The following ENTHD1 variants were observed in gnomAD, a reference collection of about 807,000 sequenced individuals.
ENTHD1 encodes ENTH domain-containing protein 1.
A neutral mutation model predicts 39.1 loss-of-function variants in ENTHD1; 23 were observed. The observed-to-expected ratio is 0.59, with a 90% CI of 0.42 to 0.83. The LOEUF is 0.83. Among genes scored for constraint, ENTHD1 ranks in the 40% least tolerant of loss-of-function variants. The probability of loss-of-function intolerance (pLI) is 0.00; values close to 1 mark genes in which losing one functional copy is unlikely to be tolerated. For missense variants in ENTHD1, 624 were observed against 705.4 expected, an observed-to-expected ratio of 0.88 and a Z score of 1.31; for synonymous variants, 230 against 258.2, an observed-to-expected ratio of 0.89 and a Z score of 1.05.
chr22:39,769,256 G>A (rs2065303302), intron 5 of ENTHD1, among the ~76,000 whole-genome samples: 1 of 152,150 alleles, frequency 6.6e-6, no homozygotes, highest in Non-Finnish European at 1.5e-5. Context: ...ACATGTTTTA[G>A]TTTGGATACC....
chr22:39,775,591 T>C (rs1387705224), intron 5 of ENTHD1, among the ~76,000 whole-genome samples: 1 of 152,204 alleles, frequency 6.6e-6, no homozygotes. Context: ...CACCAGGTTT[T>C]TCTTTACTAA....
intron 5 of ENTHD1, among the ~76,000 whole-genome samples, chr22:39,780,375 CA>C (rs34934042): frequency 0.056 from 7,541 of 133,988 alleles, 585 homozygotes; most frequent in African/African-American, 0.2. Context: ...AGACTAGTCT[CA>C]AAAAAAAAAA....
At chr22:39,799,022 C>T (rs972066958) in intron 5 of ENTHD1, among the ~76,000 whole-genome samples, 6 of 152,170 alleles carry the variant, frequency 3.9e-5, no homozygotes, top group Admixed American at 3.3e-4. Context: ...CCCCAGGCCC[C>T]TAGGTGGTGT....
chr22:39,812,803 A>T (rs967959727), intron 5 of ENTHD1, among the ~76,000 whole-genome samples: 1 of 151,986 alleles, frequency 6.6e-6, no homozygotes, highest in Non-Finnish European at 1.5e-5. Context: ...TTTGTTTGAG[A>T]TGGGAGTCTT....
intron 3 of ENTHD1, among the ~76,000 whole-genome samples, chr22:39,844,065 G>C (rs917182104): frequency 1.1e-4 from 16 of 151,846 alleles, no homozygotes; most frequent in African/African-American, 3.6e-4. Context: ...GATGAATTTT[G>C]AGATTAAAGA....
At position 39,884,727 on chromosome 22, in the gene ENTHD1, G is replaced by A. The variant is rs184354670; in HGVS notation, c.349+2673C>T. ...GCCCATACATCTTATTTGGTTGATT[G>A]ATTTTTGCAAGGATGCCAATATAAC... is the stretch of plus-strand genomic sequence containing the variant. On this transcript the variant is annotated intron_variant, in intron 2 of 6. Coordinates refer to ENST00000325157, the MANE Select transcript of ENTHD1 (RefSeq NM_152512.4). Among the ~76,000 whole-genome samples the A allele has an allele frequency of 5.9e-5, 9 of 152,266 alleles. No individual in the cohort carries two copies. In the East Asian group the frequency reaches 1.7e-3, roughly 29 times the overall value.
intron 3 of ENTHD1, among the ~76,000 whole-genome samples, chr22:39,851,972 A>G (rs2066043706): frequency 6.6e-6 from 1 of 152,164 alleles, no homozygotes; most frequent in Admixed American, 6.5e-5. Flanking sequence ...AAAACAGCAT[A>G]TAATTCCATT....
intron 5 of ENTHD1, among the ~76,000 whole-genome samples, chr22:39,810,637 C>G (rs747586416): frequency 3.3e-5 from 5 of 152,200 alleles, no homozygotes; most frequent in Non-Finnish European, 7.3e-5. Flanking sequence ...TCCAGTATAA[C>G]TTGCCTGTTT....
chr22:39,767,300 G>T (rs1310513296), intron 5 of ENTHD1, among the ~76,000 whole-genome samples: 1 of 152,128 alleles, frequency 6.6e-6, no homozygotes, highest in African/African-American at 2.4e-5. Flanking sequence ...ATTTGCATAT[G>T]ACTGAATTAT....
At chr22:39,856,144 T>C (rs922714162) in intron 3 of ENTHD1, among the ~76,000 whole-genome samples, 2 of 151,988 alleles carry the variant, frequency 1.3e-5, no homozygotes, top group Non-Finnish European at 2.9e-5. Flanking sequence ...TATGGTGGCA[T>C]GTGCCTGTAA....
intron 2 of ENTHD1, among the ~76,000 whole-genome samples, chr22:39,868,420 C>G (rs1202694617): frequency 2.7e-5 from 4 of 150,058 alleles, no homozygotes; most frequent in Non-Finnish European, 5.9e-5. Context: ...CTCAAAATAG[C>G]CTAAACACTA....
At chr22:39,888,735 A>G (rs1412210948) in intron 1 of ENTHD1, among the ~76,000 whole-genome samples, 1 of 152,038 alleles carries the variant, frequency 6.6e-6, no homozygotes, top group African/African-American at 2.4e-5. Context: ...CTGCCTGGCT[A>G]ATTTTTAAAT....
chr22:39,766,019 C>CAAAAAAAAAAAAAA (rs11367784), intron 5 of ENTHD1, among the ~76,000 whole-genome samples: 1,219 of 48,406 alleles, frequency 0.025, 29 homozygotes, highest in Non-Finnish European at 0.031. Flanking sequence ...CCCTCAGCTA[C>CAAAAAAAAAAAAAA]AAAAAAAAAA....
rs1255584018 is a variant in ENTHD1 at position 39,863,429 on chromosome 22, C to T, written c.350-1422G>A. Among the ~76,000 whole-genome samples, 7 of 152,138 alleles carry T rather than the reference C, an allele frequency of 4.6e-5. No homozygotes were observed. The South Asian group carries it at 1.5e-3, about 32-fold the overall frequency. On this transcript the variant is annotated intron_variant, in intron 2 of 6. Transcript: ENST00000325157. Reference sequence around the variant, plus strand: ...GTGAGAGTGATAGCTCTGTCCTTAACCATCTGTGTGACTTTCAGTCAGTCA... The same window carrying T: ...GTGAGAGTGATAGCTCTGTCCTTAATCATCTGTGTGACTTTCAGTCAGTCA...
chr22:39,874,881 A>T (rs1489836875), intron 2 of ENTHD1, among the ~76,000 whole-genome samples: 1 of 152,234 alleles, frequency 6.6e-6, no homozygotes, highest in Non-Finnish European at 1.5e-5. Context: ...GTTGATAAGG[A>T]TGTGAACAAC....
intron 6 of ENTHD1, chr22:39,750,751 A>G (rs2065141486): frequency 6.5e-6 from 1 of 153,244 alleles, no homozygotes; most frequent in Non-Finnish European, 1.5e-5. Context: ...ATAAGCCTTA[A>G]CATAATAAAA....
At chr22:39,790,842 G>A (rs1173379715) in intron 5 of ENTHD1, among the ~76,000 whole-genome samples, 2 of 152,178 alleles carry the variant, frequency 1.3e-5, no homozygotes, top group Non-Finnish European at 2.9e-5. Context: ...CAAGGGAGTT[G>A]GGTGAAGACT....
chr22:39,810,852 C>T (rs376185971), intron 5 of ENTHD1, among the ~76,000 whole-genome samples: 1 of 152,116 alleles, frequency 6.6e-6, no homozygotes, highest in East Asian at 1.9e-4. Context: ...AATCAGTTAA[C>T]TTTCATGTGA....
intron 6 of ENTHD1, among the ~76,000 whole-genome samples, chr22:39,748,591 T>C (rs1327723093): frequency 6.6e-6 from 1 of 151,894 alleles, no homozygotes; most frequent in African/African-American, 2.4e-5. Flanking sequence ...CGGCTATTTT[T>C]TTTTTGTGTT....
Sources: allele counts gnomAD v4.1 joint callset (sites outside exome capture counted in the v4.1 genomes callset), GRCh38; gene constraint gnomAD v4.1.1; transcripts MANE v1.5; gene names NCBI Gene and HGNC (gene_info 2026-07-23, HGNC 2026-07-21).